ACMSD: variants seen among roughly 807,000 people sequenced by gnomAD.
ACMSD encodes aminocarboxymuconate semialdehyde decarboxylase.
Under a neutral mutation model 45.9 loss-of-function variants are expected in ACMSD, and 37 were observed. That is an observed-to-expected ratio of 0.81 (90% CI 0.62 to 1.06). ACMSD has a LOEUF of 1.06. ACMSD is among the 50% of genes least tolerant of loss of function. The pLI is 0.00. For synonymous variants in ACMSD, 138 were observed against 148.8 expected, an observed-to-expected ratio of 0.93 and a Z score of 0.53; for missense variants, 434 against 420.9, an observed-to-expected ratio of 1.03 and a Z score of -0.27.
Position 134,862,032 on chromosome 2 carries a change from C to T in ACMSD, c.249+14C>T. On this transcript the variant is annotated intron_variant, in intron 4 of 9. Transcript: ENST00000356140. ...TTTAGCTACTGGGTGAGTGTGAAAC[C>T]TCAAGCCATCTCCTTGGTGTTGAAG... The T allele has an allele frequency of 6.2e-7, 1 of 1,614,106 alleles. No homozygotes were observed. The highest frequency in any genetic ancestry group is 1.1e-5 in the South Asian group (1 of 91,072).
intron 8 of ACMSD, among the ~76,000 whole-genome samples, chr2:134,894,446 A>C (rs1224127351): frequency 6.6e-6 from 1 of 152,186 alleles, no homozygotes; most frequent in Non-Finnish European, 1.5e-5. Flanking sequence ...AAACAGGTCT[A>C]TATTAAGATA....
intron 7 of ACMSD, 100 bp downstream of exon 7, chr2:134,871,160 G>C: frequency 9.3e-7 from 1 of 1,076,442 alleles, no homozygotes. Context: ...CACAGTCCTG[G>C]AGGCTAGAAG....
At chr2:134,859,173 G>A (rs1298654092) in intron 2 of ACMSD, 88 bp from the exon 3 acceptor site, 1 of 1,045,766 alleles carries the variant, frequency 9.6e-7, no homozygotes, top group Middle Eastern at 2.1e-4. Context: ...TCAAATATTA[G>A]GGAAGAAATA....
At chr2:134,844,445 CAG>C (rs1443851832) in intron 1 of ACMSD, 2 of 152,158 alleles carry the variant, frequency 1.3e-5, no homozygotes, top group African/African-American at 4.8e-5. Flanking sequence ...GGAAGTGAGA[CAG>C]GGAAAACAGG....
At chr2:134,876,355 A>C (rs1233811730) in intron 8 of ACMSD, among the ~76,000 whole-genome samples, 1 of 152,228 alleles carries the variant, frequency 6.6e-6, no homozygotes, top group African/African-American at 2.4e-5. Flanking sequence ...GCTTAAAATA[A>C]GAACACACTA....
intron 1 of ACMSD, among the ~76,000 whole-genome samples, chr2:134,841,510 G>GA (rs142841305): frequency 2.7e-5 from 4 of 150,426 alleles, no homozygotes; most frequent in Non-Finnish European, 4.4e-5. Context: ...TAGGGTTCTT[G>GA]AAAAAAAAAC....
chr2:134,863,753 A>C, intron 5 of ACMSD, 122 bp downstream of exon 5: 1 of 982,090 alleles, frequency 1.0e-6, no homozygotes, highest in East Asian at 2.6e-5. Context: ...GGTGTCCACG[A>C]CTTGTTTGAT....
At chr2:134,870,903 A>T in intron 6 of ACMSD, 62 bp from the exon 7 acceptor site, 1 of 1,425,786 alleles carries the variant, frequency 7.0e-7, no homozygotes, top group Non-Finnish European at 9.8e-7. Context: ...AGCCACTAAC[A>T]TCACTGAATT....
At chr2:134,864,095 C>A (rs1013375054) in intron 5 of ACMSD, among the ~76,000 whole-genome samples, 6 of 151,724 alleles carry the variant, frequency 4.0e-5, no homozygotes, top group Non-Finnish European at 8.8e-5. Flanking sequence ...ATAGCAAAAC[C>A]CCATCTCTAC....
Position 134,852,342 on chromosome 2 carries a change from G to T in ACMSD, c.103-6919G>T, listed in dbSNP as rs114680068. Among the ~76,000 whole-genome samples, 1,321 of 152,250 alleles carry T rather than the reference G, an allele frequency of 8.7e-3. 18 individuals are homozygous for T. Among genetic ancestry groups the T allele is most frequent in the African/African-American group, 0.03 (1,264 of 41,534 alleles). ...TGAAAGGGAGTCAGAATGGAAGCAGGGAGATGGGGCTGGAGGCTGAGAAAT... is the reference window on the plus strand; with the variant it reads ...TGAAAGGGAGTCAGAATGGAAGCAGTGAGATGGGGCTGGAGGCTGAGAAAT... On this transcript the variant is annotated intron_variant, in intron 2 of 9. Coordinates refer to ENST00000356140, the MANE Select transcript of ACMSD (RefSeq NM_138326.3).
Position 134,863,063 on chromosome 2 carries a change from G to A in ACMSD, c.250-332G>A, listed in dbSNP as rs1029310670. The A allele has an allele frequency of 7.1e-6, 7 of 984,818 alleles. No homozygotes were observed. In the African/African-American group the frequency reaches 1.0e-4, roughly 15 times the overall value. The allele number at this position is 984,818 out of a possible 1,614,324, so 61.0% of individuals were successfully genotyped here. ...GCCCGACCTCCTGGGAGGTAGGGGGGCATTAAGATCTTTCTGCAGTTGGCA... is the reference window on the plus strand; with the variant it reads ...GCCCGACCTCCTGGGAGGTAGGGGGACATTAAGATCTTTCTGCAGTTGGCA... On this transcript the variant is annotated intron_variant, in intron 4 of 9. Coordinates refer to ENST00000356140, the MANE Select transcript of ACMSD (RefSeq NM_138326.3).
intron 2 of ACMSD, among the ~76,000 whole-genome samples, chr2:134,848,241 C>T (rs1283014167): frequency 6.6e-6 from 1 of 152,078 alleles, no homozygotes; most frequent in East Asian, 1.9e-4. Flanking sequence ...AGTAAACATA[C>T]GTGTGCATGT....
chr2:134,863,045 C>T (rs1687920762), intron 4 of ACMSD: 1 of 978,688 alleles, frequency 1.0e-6, no homozygotes, highest in South Asian at 4.8e-5. Context: ...CAGGCCCGAC[C>T]TCCTGGGAGG....
chr2:134,872,734 G>A, intron 8 of ACMSD, 93 bp downstream of exon 8: 5 of 1,451,918 alleles, frequency 3.4e-6, no homozygotes, highest in South Asian at 2.4e-5. Flanking sequence ...CCAAAAAAGG[G>A]ATGGAAGAAA....
intron 2 of ACMSD, among the ~76,000 whole-genome samples, chr2:134,845,642 T>C (rs1687022909): frequency 6.7e-6 from 1 of 150,220 alleles, no homozygotes; most frequent in Non-Finnish European, 1.5e-5. Context: ...GTTATTACAG[T>C]ATATTAAAGC....
Position 134,857,097 on chromosome 2 carries a change from C to G in ACMSD, c.103-2164C>G, listed in dbSNP as rs147323540. Among the ~76,000 whole-genome samples, 321 of 152,208 alleles carry G rather than the reference C, an allele frequency of 2.1e-3. 1 individual carries two copies. Among genetic ancestry groups the G allele is most frequent in the Middle Eastern group, 6.8e-3 (2 of 294 alleles). On this transcript the variant is annotated intron_variant, in intron 2 of 9. Coordinates refer to ENST00000356140, the MANE Select transcript of ACMSD (RefSeq NM_138326.3). ...TGTATTATAGTTTTCAGATCTTTCA[C>G]CTTTTTGGTTAGATTCATTCCTAAG...
At chr2:134,881,099 A>G (rs1343382955) in intron 8 of ACMSD, among the ~76,000 whole-genome samples, 1 of 152,190 alleles carries the variant, frequency 6.6e-6, no homozygotes. Flanking sequence ...TCCCGATTCA[A>G]GCAATTCTTG....
At position 134,838,756 on chromosome 2, in the gene ACMSD, T is replaced by C. The variant is rs747940524; in HGVS notation, c.57+17T>C. ...CTAAAAAAGGTAATGGTAATTAATTTGCTGAATTATTTCTGAAACTTCTCC... is the reference window on the plus strand; with the variant it reads ...CTAAAAAAGGTAATGGTAATTAATTCGCTGAATTATTTCTGAAACTTCTCC... On this transcript the variant is annotated intron_variant, in intron 1 of 9. Coordinates refer to ENST00000356140, the MANE Select transcript of ACMSD (RefSeq NM_138326.3). 12 of 1,589,808 alleles carry C rather than the reference T, an allele frequency of 7.5e-6. No homozygotes were observed. Among genetic ancestry groups the C allele is most frequent in the Admixed American group, 6.7e-5 (4 of 59,626 alleles).
chr2:134,856,086 T>C (rs773905678), intron 2 of ACMSD, among the ~76,000 whole-genome samples: 22 of 152,198 alleles, frequency 1.4e-4, no homozygotes, highest in Admixed American at 3.3e-4. Context: ...ATAACCATAA[T>C]AACACTTATG....
Sources: allele counts gnomAD v4.1 joint callset (sites outside exome capture counted in the v4.1 genomes callset), GRCh38; gene constraint gnomAD v4.1.1; transcripts MANE v1.5; gene names NCBI Gene and HGNC (gene_info 2026-07-23, HGNC 2026-07-21).